The following PRKCB variants were observed in gnomAD, a reference collection of about 807,000 sequenced individuals.
PRKCB encodes protein kinase C beta type.
Under a neutral mutation model 81.5 loss-of-function variants are expected in PRKCB, and 13 were observed. The observed-to-expected ratio is 0.16, with a 90% CI of 0.10 to 0.25. PRKCB has a LOEUF of 0.25. Ranked by LOEUF, PRKCB falls within the 10% of genes least tolerant of loss-of-function variation. The pLI, the probability that PRKCB is intolerant of heterozygous loss-of-function variation, is 1.00. For missense variants in PRKCB, 509 were observed against 875.7 expected (o/e 0.58, Z 5.29); for synonymous variants, 335 against 321.4 (o/e 1.04, Z -0.45).
chr16:24,084,592 A>G lies in PRKCB; in HGVS notation c.530-8199A>G, dbSNP rs187904409. On this transcript the variant is annotated intron_variant, in intron 5 of 16. Transcript: ENST00000643927. ...AATAAAAGAATTACATTTTTTCCCTAGTATTCACAAAATTAGTGATATATT... is the reference window on the plus strand; with the variant it reads ...AATAAAAGAATTACATTTTTTCCCTGGTATTCACAAAATTAGTGATATATT... Among the ~76,000 whole-genome samples the G allele has an allele frequency of 3.7e-4, 57 of 152,256 alleles. 1 individual carries two copies. Among genetic ancestry groups the G allele is most frequent in the African/African-American group, 1.3e-3 (56 of 41,546 alleles).
chr16:24,208,036 G>A (rs1252206262), intron 16 of PRKCB: 2 of 152,290 alleles, frequency 1.3e-5, no homozygotes, highest in Non-Finnish European at 2.9e-5. Flanking sequence ...GCCATGCTAA[G>A]GAGTGTGGGC....
intron 2 of PRKCB, among the ~76,000 whole-genome samples, chr16:23,851,558 C>A (rs1962473048): frequency 6.6e-6 from 1 of 152,092 alleles, no homozygotes; most frequent in Non-Finnish European, 1.5e-5. Flanking sequence ...GTTGTCTTGG[C>A]TATTTGGGGT....
At chr16:24,127,423 G>A (rs1966846415) in intron 9 of PRKCB, among the ~76,000 whole-genome samples, 2 of 152,188 alleles carry the variant, frequency 1.3e-5, no homozygotes, top group South Asian at 4.1e-4. Context: ...ACCACTTACT[G>A]CTACTGCTTT....
intron 2 of PRKCB, among the ~76,000 whole-genome samples, chr16:23,972,387 T>C (rs1041466139): frequency 2.0e-5 from 3 of 152,188 alleles, no homozygotes; most frequent in African/African-American, 7.2e-5. Flanking sequence ...TATATGAAAA[T>C]TTGTATTTGC....
At chr16:24,054,957 T>C (rs1489068212) in intron 5 of PRKCB, among the ~76,000 whole-genome samples, 1 of 152,234 alleles carries the variant, frequency 6.6e-6, no homozygotes, top group African/African-American at 2.4e-5. Context: ...GACTGTTGTG[T>C]AGGCTTGCTT....
intron 7 of PRKCB, among the ~76,000 whole-genome samples, chr16:24,110,463 G>C (rs1438565965): frequency 2.0e-5 from 3 of 149,650 alleles, no homozygotes; most frequent in Admixed American, 6.6e-5. Flanking sequence ...TGCCCACCTT[G>C]GTCTACCAAA....
At chr16:23,880,748 A>G (rs1020316365) in intron 2 of PRKCB, among the ~76,000 whole-genome samples, 1 of 152,054 alleles carries the variant, frequency 6.6e-6, no homozygotes, top group African/African-American at 2.4e-5. Context: ...CATCTTCATT[A>G]TAGAACATTA....
intron 3 of PRKCB, among the ~76,000 whole-genome samples, chr16:24,018,805 A>G (rs915257629): frequency 6.6e-6 from 1 of 152,244 alleles, no homozygotes; most frequent in Non-Finnish European, 1.5e-5. Flanking sequence ...GAACAAAATG[A>G]AAGATCGTCA....
chr16:23,880,006 G>C (rs2141107050), intron 2 of PRKCB, among the ~76,000 whole-genome samples: 1 of 152,334 alleles, frequency 6.6e-6, no homozygotes. Flanking sequence ...AATCGAGTGA[G>C]TATGTTTATA....
At chr16:23,964,755 G>T (rs550177371) in intron 2 of PRKCB, among the ~76,000 whole-genome samples, 1 of 150,086 alleles carries the variant, frequency 6.7e-6, no homozygotes. Flanking sequence ...TGCAGCCTCT[G>T]CCTCCTGGGG....
chr16:24,015,282 G>A (rs1965261894), intron 3 of PRKCB, among the ~76,000 whole-genome samples: 1 of 152,196 alleles, frequency 6.6e-6, no homozygotes, highest in Non-Finnish European at 1.5e-5. Context: ...TTACAGGTGA[G>A]AAAATCAAGG....
chr16:24,054,928 T>G (rs1323562337), intron 5 of PRKCB, among the ~76,000 whole-genome samples: 3 of 152,250 alleles, frequency 2.0e-5, no homozygotes, highest in Non-Finnish European at 4.4e-5. Context: ...ATTGAGGTCT[T>G]GTTTTCCTGG....
At chr16:24,036,953 C>G (rs972881991) in intron 5 of PRKCB, among the ~76,000 whole-genome samples, 2 of 152,188 alleles carry the variant, frequency 1.3e-5, no homozygotes, top group East Asian at 1.9e-4. Flanking sequence ...CTAAACCTTA[C>G]GTGTTATCTC....
intron 10 of PRKCB, among the ~76,000 whole-genome samples, chr16:24,168,513 C>A (rs571770361): frequency 1.6e-5 from 2 of 123,796 alleles, no homozygotes; most frequent in Non-Finnish European, 1.8e-5. Context: ...TCCATTTCAT[C>A]ATTTCATTAT....
intron 5 of PRKCB, among the ~76,000 whole-genome samples, chr16:24,059,495 A>C (rs1281480891): frequency 6.6e-6 from 1 of 150,794 alleles, no homozygotes; most frequent in Non-Finnish European, 1.5e-5. Flanking sequence ...CCATTTCTAC[A>C]AAAAAAAATT....
chr16:24,218,242 C>T lies in PRKCB; in HGVS notation c.*3426C>T. Reference sequence around the variant, plus strand: ...ATAATTAAAGGATGCTAAAGTGTGACTTGTGGGGATTGGGAGAGAGATGCA... The same window carrying T: ...ATAATTAAAGGATGCTAAAGTGTGATTTGTGGGGATTGGGAGAGAGATGCA... On this transcript the variant is annotated 3_prime_UTR_variant, in exon 17 of 17. Coordinates refer to ENST00000643927, the MANE Select transcript of PRKCB (RefSeq NM_002738.7). 1 of 985,352 alleles carries T rather than the reference C, an allele frequency of 1.0e-6. No individual in the cohort carries two copies. Among genetic ancestry groups the T allele is most frequent in the Non-Finnish European group, 1.2e-6 (1 of 829,912 alleles). 61.0% of individuals were successfully genotyped at this position (985,352 alleles called of 1,614,324 possible).
In PRKCB at chr16:24,034,457, C is replaced by G. The variant is rs530952404; in HGVS notation, c.401-962C>G. Among the ~76,000 whole-genome samples, 170 of 152,320 alleles carry G rather than the reference C, an allele frequency of 1.1e-3. 1 individual carries two copies. Among genetic ancestry groups the G allele is most frequent in the Middle Eastern group, 6.8e-3 (2 of 294 alleles). On this transcript the variant is annotated intron_variant, in intron 4 of 16. Transcript: ENST00000643927. Reference sequence around the variant, plus strand: ...CTTCCTGGAGTGGGGCATTATTGCTCAAGACCTAGAAGAAATCACCCACCA... The same window carrying G: ...CTTCCTGGAGTGGGGCATTATTGCTGAAGACCTAGAAGAAATCACCCACCA...
intron 5 of PRKCB, among the ~76,000 whole-genome samples, chr16:24,089,557 C>T (rs1165456610): frequency 6.6e-6 from 1 of 152,110 alleles, no homozygotes; most frequent in Non-Finnish European, 1.5e-5. Flanking sequence ...TCATTTGCAT[C>T]CAGGAGTTTG....
At chr16:23,987,409 G>A (rs917892243) in intron 2 of PRKCB, among the ~76,000 whole-genome samples, 1 of 131,928 alleles carries the variant, frequency 7.6e-6, no homozygotes, top group East Asian at 2.7e-4. Context: ...GGTGGGGGGG[G>A]GTGTGTTTGC....
Sources: allele counts gnomAD v4.1 joint callset (sites outside exome capture counted in the v4.1 genomes callset), GRCh38; gene constraint gnomAD v4.1.1; transcripts MANE v1.5; gene names NCBI Gene and HGNC (gene_info 2026-07-23, HGNC 2026-07-21).